The following POF1B variants were observed in gnomAD, a reference collection of about 807,000 sequenced individuals.
POF1B encodes POF1B actin binding protein.
In POF1B, 53 loss-of-function variants were observed where a neutral mutation model predicts 55.3. The observed-to-expected ratio is 0.96, with a 90% CI of 0.77 to 1.20. POF1B has a LOEUF of 1.20. Among genes scored for constraint, POF1B ranks in the 50% most tolerant of loss-of-function variants. The pLI is 0.00. For synonymous variants in POF1B, 188 were observed against 148.3 expected (o/e 1.27, Z -1.95); for missense variants, 478 against 420.5 (o/e 1.14, Z -1.20).
chrX:85,324,903 A>G (rs867721992), intron 7 of POF1B, among the ~76,000 whole-genome samples: 1 of 112,096 alleles, frequency 8.9e-6, no homozygotes, highest in African/African-American at 3.2e-5. Flanking sequence ...CAAATTCCCT[A>G]AGCATTTGCT....
rs1461513986 is a variant in POF1B at position 85,281,744 on chromosome X, T to A, written c.1764+459A>T. Among the ~76,000 whole-genome samples, 6 of 108,032 alleles carry A rather than the reference T, an allele frequency of 5.6e-5. No individual in the cohort carries two copies. In the South Asian group the frequency reaches 2.3e-3, roughly 42 times the overall value. 93.8% of individuals were successfully genotyped at this position (108,032 alleles called of 115,157 possible). On this transcript the variant is annotated intron_variant, in intron 16 of 16. Coordinates refer to ENST00000262753, the MANE Select transcript of POF1B (RefSeq NM_024921.4). ...CTAATATATATAATATATATATATATAAAATCCACAGGAATAAGTACCACA... is the reference window on the plus strand; with the variant it reads ...CTAATATATATAATATATATATATAAAAAATCCACAGGAATAAGTACCACA...
intron 4 of POF1B, among the ~76,000 whole-genome samples, chrX:85,358,812 A>C (rs1264994496): frequency 9.0e-6 from 1 of 111,055 alleles, no homozygotes; most frequent in Non-Finnish European, 1.9e-5. Context: ...TCCTGAGGGG[A>C]TTTAAAAGAG....
chrX:85,306,274 AAGAG>A lies in POF1B; in HGVS notation c.1220_1223del (p.Ser407PhefsTer12), dbSNP rs1444043025. On this transcript the variant is annotated frameshift_variant, in exon 12 of 17. Coordinates refer to ENST00000262753, the MANE Select transcript of POF1B (RefSeq NM_024921.4). LOFTEE classifies it high-confidence loss of function. ...ATTCCATGTCTGATAGTGTATGTCG[AAGAG>A]AGAGATTGTTTTCTTCCAATGCCTG... 1.7e-6 allele frequency: 2 copies of A among 1,206,845 alleles called. No individual in the cohort carries two copies. Among genetic ancestry groups the A allele is most frequent in the Non-Finnish European group, 2.2e-6 (2 of 892,682 alleles).
chrX:85,356,023 G>A (rs1267173718), intron 4 of POF1B, among the ~76,000 whole-genome samples: 10 of 110,919 alleles, frequency 9.0e-5, no homozygotes, highest in East Asian at 2.9e-4. Context: ...TGTTTATTGC[G>A]GCACTATTCA....
At chrX:85,344,626 T>C (rs1373578157) in intron 6 of POF1B, among the ~76,000 whole-genome samples, 1 of 111,698 alleles carries the variant, frequency 9.0e-6, no homozygotes, top group Non-Finnish European at 1.9e-5. Flanking sequence ...TCAAATGATC[T>C]AATCTAATAA....
At chrX:85,297,165 T>A (rs2147897938) in intron 15 of POF1B, among the ~76,000 whole-genome samples, 1 of 112,269 alleles carries the variant, frequency 8.9e-6, no homozygotes, top group East Asian at 2.8e-4. Context: ...GTTTCAACTT[T>A]TACCTGTATC....
At chrX:85,302,349 C>A (rs1932477308) in intron 15 of POF1B, among the ~76,000 whole-genome samples, 1 of 111,243 alleles carries the variant, frequency 9.0e-6, no homozygotes, top group Non-Finnish European at 1.9e-5. Context: ...TGCTAAAAAA[C>A]ATTAGTTATT....
intron 3 of POF1B, among the ~76,000 whole-genome samples, chrX:85,364,462 G>A (rs767248119): frequency 8.9e-6 from 1 of 111,772 alleles, no homozygotes; most frequent in Admixed American, 9.5e-5. Flanking sequence ...AACTCCCTTA[G>A]CATTTGCTTA....
At chrX:85,279,896 A>T (rs1351512796) in intron 16 of POF1B, among the ~76,000 whole-genome samples, 1 of 110,930 alleles carries the variant, frequency 9.0e-6, no homozygotes, top group Non-Finnish European at 1.9e-5. Context: ...CACCTCTGGG[A>T]TACATGTGGT....
intron 9 of POF1B, 52 bp from the exon 10 acceptor site, chrX:85,308,268 C>A: frequency 2.3e-6 from 2 of 865,364 alleles, no homozygotes; most frequent in East Asian, 3.5e-5. Flanking sequence ...TGAAAATAGG[C>A]AATATAAGTG....
intron 15 of POF1B, among the ~76,000 whole-genome samples, chrX:85,294,617 C>T (rs909238685): frequency 9.0e-6 from 1 of 111,711 alleles, no homozygotes; most frequent in East Asian, 2.8e-4. Context: ...ATTGGGCTTG[C>T]AAGTATTTTG....
intron 7 of POF1B, among the ~76,000 whole-genome samples, chrX:85,325,489 T>C (rs1932887295): frequency 8.9e-6 from 1 of 112,373 alleles, no homozygotes; most frequent in South Asian, 3.7e-4. Flanking sequence ...AATTACATTA[T>C]GAAATTCTTA....
In POF1B at chrX:85,345,874, G is replaced by C; in HGVS notation, c.709C>G (p.Gln237Glu). 8.3e-7 allele frequency: 1 copy of C among 1,199,660 alleles called. No homozygotes were observed. Among genetic ancestry groups the C allele is most frequent in the Non-Finnish European group, 1.1e-6 (1 of 889,050 alleles). Residue 237 changes from glutamine to glutamate, a missense_variant, in exon 6 of 17, where the codon CAG becomes GAG. Gln to Glu is a conservative substitution (Grantham distance 29). Transcript: ENST00000262753. Reference sequence around the variant, plus strand: ...ATTGATCTTACCTGCTCACAAATCTGGCTTGATCCACTATGGCACAGTTCA... The same window carrying C: ...ATTGATCTTACCTGCTCACAAATCTCGCTTGATCCACTATGGCACAGTTCA... Reference protein sequence around the residue: ...GNELCHSGSSQICEQVIIQDD... With the variant: ...GNELCHSGSSEICEQVIIQDD...
At chrX:85,321,289 T>C (rs1932835435) in intron 7 of POF1B, among the ~76,000 whole-genome samples, 1 of 111,050 alleles carries the variant, frequency 9.0e-6, no homozygotes, top group Non-Finnish European at 1.9e-5. Flanking sequence ...TGGTTCAATA[T>C]ATGGAAATCA....
chrX:85,299,253 G>GCGATC (rs1308689312), intron 15 of POF1B, among the ~76,000 whole-genome samples: 2 of 91,201 alleles, frequency 2.2e-5, no homozygotes, highest in African/African-American at 8.2e-5. Flanking sequence ...GTGCAGTGGT[G>GCGATC]CGATCTTGGC....
intron 6 of POF1B, among the ~76,000 whole-genome samples, chrX:85,339,921 TG>T (rs778709000): frequency 9.0e-6 from 1 of 111,167 alleles, no homozygotes; most frequent in South Asian, 3.8e-4. Flanking sequence ...AAAGTAGCAT[TG>T]GGATAACCAG....
At chrX:85,371,486 G>A (rs1265290545) in intron 2 of POF1B, among the ~76,000 whole-genome samples, 3 of 111,130 alleles carry the variant, frequency 2.7e-5, no homozygotes, top group African/African-American at 9.8e-5. Context: ...TTAGACAGAG[G>A]TAGGATAGGT....
intron 15 of POF1B, among the ~76,000 whole-genome samples, chrX:85,293,393 T>A (rs763427120): frequency 1.2e-4 from 13 of 111,597 alleles, no homozygotes; most frequent in Non-Finnish European, 1.9e-4. Flanking sequence ...CTGGAGGCCA[T>A]TATTCTTAGC....
chrX:85,331,972 T>C (rs939439012), intron 6 of POF1B, among the ~76,000 whole-genome samples: 2 of 112,053 alleles, frequency 1.8e-5, no homozygotes, highest in Non-Finnish European at 3.8e-5. Flanking sequence ...ACATTGTGTA[T>C]ACACATGCCA....
Sources: allele counts gnomAD v4.1 joint callset (sites outside exome capture counted in the v4.1 genomes callset), GRCh38; gene constraint gnomAD v4.1.1; transcripts MANE v1.5; gene names NCBI Gene and HGNC (gene_info 2026-07-23, HGNC 2026-07-21).